The following GRAMD1B variants were observed in gnomAD, a reference collection of about 807,000 sequenced individuals.
GRAMD1B encodes GRAM domain containing 1B.
In GRAMD1B, 37 loss-of-function variants were observed where a neutral mutation model predicts 99.7. The observed-to-expected ratio is 0.37, with a 90% CI of 0.29 to 0.49. GRAMD1B has a LOEUF of 0.49. Ranked by LOEUF, GRAMD1B falls within the 20% of genes least tolerant of loss-of-function variation. The probability of loss-of-function intolerance (pLI) is 0.98; values close to 1 mark genes in which losing one functional copy is unlikely to be tolerated. For synonymous variants in GRAMD1B, 427 were observed against 387.6 expected, an observed-to-expected ratio of 1.10 and a Z score of -1.19; for missense variants, 888 against 1,009.2, an observed-to-expected ratio of 0.88 and a Z score of 1.63.
intron 2 of GRAMD1B, among the ~76,000 whole-genome samples, chr11:123,543,404 TA>T (rs2135734260): frequency 6.6e-6 from 1 of 152,314 alleles, no homozygotes; most frequent in Non-Finnish European, 1.5e-5. Flanking sequence ...GGAAGTTGGA[TA>T]GGGGATGGAC....
intron 17 of GRAMD1B, 121 bp from the exon 18 acceptor site, chr11:123,618,572 C>A: frequency 1.2e-6 from 1 of 809,150 alleles, no homozygotes; most frequent in Non-Finnish European, 2.2e-6. Context: ...CCAGCTCAGT[C>A]ACTCACTGCA....
At chr11:123,438,973 T>C (rs1469012559) in intron 1 of GRAMD1B, among the ~76,000 whole-genome samples, 1 of 152,184 alleles carries the variant, frequency 6.6e-6, no homozygotes, top group East Asian at 1.9e-4. Context: ...GGTTGCTGGG[T>C]TGCTGTGTGT....
At chr11:123,599,566 G>A in intron 7 of GRAMD1B, 1 of 435,010 alleles carries the variant, frequency 2.3e-6, no homozygotes, top group Non-Finnish European at 4.4e-6. Flanking sequence ...TCTGCCTTCT[G>A]GGTTCAGGTG....
At chr11:123,484,837 C>T (rs567725440) in intron 2 of GRAMD1B, among the ~76,000 whole-genome samples, 2 of 152,304 alleles carry the variant, frequency 1.3e-5, no homozygotes, top group South Asian at 2.1e-4. Context: ...AACTAACTTA[C>T]GCTCTGCACC....
At chr11:123,600,916 AG>A (rs1462646996) in intron 8 of GRAMD1B, among the ~76,000 whole-genome samples, 1 of 152,190 alleles carries the variant, frequency 6.6e-6, no homozygotes, top group Non-Finnish European at 1.5e-5. Context: ...GGAAAGGGAA[AG>A]GGGAAGAAGT....
intron 2 of GRAMD1B, 21 bp from the exon 3 acceptor site, chr11:123,577,346 T>G: frequency 4.5e-6 from 7 of 1,557,334 alleles, no homozygotes; most frequent in Non-Finnish European, 6.1e-6. Context: ...CCCCGCTCCC[T>G]CTCTCCATCT....
intron 1 of GRAMD1B, among the ~76,000 whole-genome samples, chr11:123,468,795 CAAAA>C (rs11446671): frequency 4.1e-5 from 4 of 98,034 alleles, no homozygotes; most frequent in Non-Finnish European, 3.9e-5. Flanking sequence ...GACCCTGTAT[CAAAA>C]AAAAAAAAAA....
chr11:123,434,531 G>C (rs950661899), intron 1 of GRAMD1B, among the ~76,000 whole-genome samples: 2 of 152,192 alleles, frequency 1.3e-5, no homozygotes, highest in African/African-American at 4.8e-5. Context: ...GCTCATGCCT[G>C]TAATCCCAGC....
At chr11:123,364,532 T>G (rs534446019) in intron 1 of GRAMD1B, among the ~76,000 whole-genome samples, 1 of 152,358 alleles carries the variant, frequency 6.6e-6, no homozygotes, top group Admixed American at 6.5e-5. Context: ...TCTTTGTTCT[T>G]GCCTATCTGA....
At chr11:123,394,558 CTCT>C (rs72156289) in intron 1 of GRAMD1B, among the ~76,000 whole-genome samples, 1 of 144,838 alleles carries the variant, frequency 6.9e-6, no homozygotes, top group African/African-American at 2.9e-5. Flanking sequence ...CATCTCTCTT[CTCT>C]TCTTTTCATT....
At chr11:123,368,829 A>G (rs573242078) in intron 1 of GRAMD1B, among the ~76,000 whole-genome samples, 4 of 152,140 alleles carry the variant, frequency 2.6e-5, no homozygotes, top group African/African-American at 4.8e-5. Flanking sequence ...AATAGTGTCA[A>G]TGAAGTCCCA....
chr11:123,416,103 C>T (rs1238365013), intron 1 of GRAMD1B, among the ~76,000 whole-genome samples: 1 of 152,186 alleles, frequency 6.6e-6, no homozygotes, highest in Non-Finnish European at 1.5e-5. Flanking sequence ...CAAAACCTAG[C>T]ATGCTGAATA....
At chr11:123,522,493 A>G (rs914273160) in intron 2 of GRAMD1B, among the ~76,000 whole-genome samples, 4 of 151,898 alleles carry the variant, frequency 2.6e-5, no homozygotes, top group African/African-American at 4.8e-5. Flanking sequence ...TAATTTTTGT[A>G]TTTTTAATAG....
intron 1 of GRAMD1B, among the ~76,000 whole-genome samples, chr11:123,472,211 G>A (rs1397648900): frequency 1.3e-5 from 2 of 149,914 alleles, no homozygotes; most frequent in African/African-American, 2.5e-5. Context: ...CTGGGCAATG[G>A]AGCAAGACTC....
chr11:123,563,987 G>C (rs77450559), intron 2 of GRAMD1B, among the ~76,000 whole-genome samples: 536 of 152,300 alleles, frequency 3.5e-3, no homozygotes, highest in African/African-American at 0.012. Flanking sequence ...TTCGATTTGA[G>C]TTATAGCAGG....
chr11:123,574,816 T>C (rs1233381948), intron 2 of GRAMD1B, among the ~76,000 whole-genome samples: 2 of 151,972 alleles, frequency 1.3e-5, no homozygotes, highest in Non-Finnish European at 2.9e-5. Flanking sequence ...TGGTTGAAGT[T>C]AGAGAAAGCT....
At chr11:123,585,783 T>C (rs1950008547) in intron 4 of GRAMD1B, among the ~76,000 whole-genome samples, 1 of 152,222 alleles carries the variant, frequency 6.6e-6, no homozygotes, top group East Asian at 1.9e-4. Flanking sequence ...CCCACGTGGC[T>C]GCAGGCCTGT....
chr11:123,372,364 C>T (rs1380968239), intron 1 of GRAMD1B, among the ~76,000 whole-genome samples: 2 of 152,264 alleles, frequency 1.3e-5, no homozygotes, highest in East Asian at 1.9e-4. Context: ...ATTTAAACTT[C>T]TACAGATGAA....
At position 123,603,452 on chromosome 11, in the gene GRAMD1B, C is replaced by T. The variant is rs766719644; in HGVS notation, c.1077C>T (p.His359=). The T allele has an allele frequency of 2.5e-6, 4 of 1,612,676 alleles. No individual in the cohort carries two copies. In the East Asian group the frequency reaches 6.7e-5, roughly 27 times the overall value. Residue 359 remains histidine (H), a synonymous_variant, in exon 9 of 20, where the codon CAC becomes CAT. Coordinates refer to ENST00000635736, the MANE Select transcript of GRAMD1B (RefSeq NM_001387025.1). The part of the protein sequence containing the change: ...EKPLCPKELW[H]FVHQCYGNEL... ...CTCTGTGTCCCAAGGAGCTCTGGCA[C>T]TTTGTTCACCAGTGCTATGGGAACG... is the stretch of plus-strand genomic sequence containing the variant.
Sources: allele counts gnomAD v4.1 joint callset (sites outside exome capture counted in the v4.1 genomes callset), GRCh38; gene constraint gnomAD v4.1.1; transcripts MANE v1.5; gene names NCBI Gene and HGNC (gene_info 2026-07-23, HGNC 2026-07-21).